The following LRRC69 variants were observed in gnomAD, a reference collection of about 807,000 sequenced individuals.
LRRC69 encodes the protein leucine-rich repeat-containing protein 69.
In LRRC69, 42 loss-of-function variants were observed where a neutral mutation model predicts 37.8. The observed-to-expected ratio is 1.11, with a 90% CI of 0.87 to 1.44. The LOEUF is 1.44. Among genes scored for constraint, LRRC69 ranks in the 40% most tolerant of loss-of-function variants. LRRC69 has a pLI of 0.00. For synonymous variants in LRRC69, 141 were observed against 143.1 expected (o/e 0.99, Z 0.11); for missense variants, 357 against 401.9 (o/e 0.89, Z 0.96).
chr8:91,122,427 A>T (rs1188997880), intron 1 of LRRC69, among the ~76,000 whole-genome samples: 1 of 151,974 alleles, frequency 6.6e-6, no homozygotes, highest in Middle Eastern at 3.2e-3. Context: ...ATCAAAAAAA[A>T]CTCATTGTTC....
intron 7 of LRRC69, among the ~76,000 whole-genome samples, chr8:91,213,157 G>A (rs1331810524): frequency 6.6e-6 from 1 of 152,110 alleles, no homozygotes; most frequent in African/African-American, 2.4e-5. Flanking sequence ...GGGGTGCTGT[G>A]GGAGAGCAGG....
chr8:91,164,294 C>A (rs1057330854), intron 5 of LRRC69, among the ~76,000 whole-genome samples: 2 of 151,634 alleles, frequency 1.3e-5, no homozygotes, highest in Admixed American at 6.6e-5. Context: ...AAACTAACTT[C>A]TCTGTCAAGA....
intron 5 of LRRC69, chr8:91,158,480 C>A: frequency 8.6e-7 from 1 of 1,162,268 alleles, no homozygotes. Context: ...TGGAAACCCA[C>A]AAGGCCTCAC....
intron 5 of LRRC69, among the ~76,000 whole-genome samples, chr8:91,184,986 G>C (rs1586272142): frequency 6.6e-6 from 1 of 152,162 alleles, no homozygotes; most frequent in South Asian, 2.1e-4. Flanking sequence ...CTGGGTGGTT[G>C]TAAGAGGGGG....
At chr8:91,126,720 AAG>A (rs763236964) in intron 2 of LRRC69, among the ~76,000 whole-genome samples, 5 of 152,122 alleles carry the variant, frequency 3.3e-5, no homozygotes, top group Non-Finnish European at 7.4e-5. Context: ...GGAGGGAGGA[AAG>A]AGAGAGCGGG....
intron 3 of LRRC69, among the ~76,000 whole-genome samples, chr8:91,129,560 A>C (rs957045894): frequency 6.6e-6 from 1 of 151,944 alleles, no homozygotes; most frequent in Non-Finnish European, 1.5e-5. Flanking sequence ...AATAAAAATG[A>C]TAATAAAAAT....
chr8:91,144,113 T>C (rs1041805890), intron 5 of LRRC69, among the ~76,000 whole-genome samples: 5 of 151,978 alleles, frequency 3.3e-5, no homozygotes, highest in Admixed American at 6.6e-5. Context: ...ATGACAGATA[T>C]TGAATGTTAT....
chr8:91,107,466 A>T (rs1048122571), intron 1 of LRRC69, among the ~76,000 whole-genome samples: 20 of 151,890 alleles, frequency 1.3e-4, no homozygotes, highest in Non-Finnish European at 7.4e-5. Context: ...AATATTTACC[A>T]TTCATTTTCT....
chr8:91,158,200 A>G (rs972841956), intron 5 of LRRC69: 7 of 1,603,346 alleles, frequency 4.4e-6, no homozygotes, highest in Non-Finnish European at 6.0e-6. Context: ...CTTGTATTCC[A>G]TGGGCTTACT....
At chr8:91,153,524 G>C (rs4515506) in intron 5 of LRRC69, among the ~76,000 whole-genome samples, 103,090 of 151,698 alleles carry the variant, frequency 0.68, 35,573 homozygotes, top group Middle Eastern at 0.74. Flanking sequence ...CTCTCAGACC[G>C]CTGTGCAATC....
intron 7 of LRRC69, among the ~76,000 whole-genome samples, chr8:91,211,644 G>A (rs1809926642): frequency 6.9e-6 from 1 of 145,614 alleles, no homozygotes; most frequent in Admixed American, 6.9e-5. Flanking sequence ...TTGCTTGGAA[G>A]CCTCTCTTTC....
At position 91,121,570 on chromosome 8, in the gene LRRC69, T is replaced by G. The variant is rs575156483; in HGVS notation, c.184-2923T>G. ...ATTGTCACTCAGATCTCAGTCTATATATCAACTTCTAAGACAGGTTCTCCT... is the reference window on the plus strand; with the variant it reads ...ATTGTCACTCAGATCTCAGTCTATAGATCAACTTCTAAGACAGGTTCTCCT... On this transcript the variant is annotated intron_variant, in intron 1 of 7. Transcript: ENST00000448384. Among the ~76,000 whole-genome samples the G allele has an allele frequency of 2.6e-5, 4 of 152,044 alleles. 1 individual carries two copies.
intron 5 of LRRC69, among the ~76,000 whole-genome samples, chr8:91,173,430 T>A (rs1306561022): frequency 6.6e-6 from 1 of 152,196 alleles, no homozygotes; most frequent in East Asian, 1.9e-4. Flanking sequence ...AAGTGGCTAT[T>A]TATGTATTAT....
At chr8:91,219,229 T>G (rs907369043), downstream of LRRC69, 45 of 334,570 alleles carry the variant, frequency 1.3e-4, no homozygotes, top group African/African-American at 8.0e-4. Flanking sequence ...AAAAAAAAAT[T>G]GAAAAATAAA....
intron 5 of LRRC69, among the ~76,000 whole-genome samples, chr8:91,186,354 G>T (rs1445331931): frequency 2.6e-5 from 4 of 152,162 alleles, no homozygotes; most frequent in Non-Finnish European, 5.9e-5. Flanking sequence ...AGGAGACAAG[G>T]AAACATTCGA....
chr8:91,197,850 G>A (rs1255601678), intron 6 of LRRC69, among the ~76,000 whole-genome samples: 4 of 152,028 alleles, frequency 2.6e-5, no homozygotes, highest in Admixed American at 1.3e-4. Flanking sequence ...GTTCCTATTC[G>A]GCCATCTTGG....
At chr8:91,132,404 TATTC>T (rs1166119476) in intron 3 of LRRC69, among the ~76,000 whole-genome samples, 1 of 152,058 alleles carries the variant, frequency 6.6e-6, no homozygotes, top group Non-Finnish European at 1.5e-5. Flanking sequence ...TCTGCTTCCT[TATTC>T]ATAATATTTT....
At chr8:91,157,841 C>T in intron 5 of LRRC69, 1 of 1,605,654 alleles carries the variant, frequency 6.2e-7, no homozygotes, top group Non-Finnish European at 8.5e-7. Flanking sequence ...GGAGCTGCAT[C>T]ATTTACAAGA....
At chr8:91,188,917 T>G (rs2130609109) in intron 5 of LRRC69, among the ~76,000 whole-genome samples, 1 of 151,962 alleles carries the variant, frequency 6.6e-6, no homozygotes, top group African/African-American at 2.4e-5. Context: ...CCTCCACCTC[T>G]GGGTTCAAAG....
Sources: gnomAD v4.1 joint callset for allele counts (sites outside exome capture counted in the v4.1 genomes callset) on GRCh38, gnomAD v4.1.1 for gene constraint, MANE v1.5 for transcripts, NCBI Gene and HGNC (gene_info 2026-07-23, HGNC 2026-07-21) for gene names.